LCP2: variants seen among roughly 807,000 people sequenced by gnomAD.
LCP2 encodes the protein 76 kDa tyrosine phosphoprotein.
In LCP2, 29 loss-of-function variants were observed where a neutral mutation model predicts 74.5. That is an observed-to-expected ratio of 0.39 (90% CI 0.29 to 0.53). The LOEUF (loss-of-function observed/expected upper bound fraction) is 0.53. Among genes scored for constraint, LCP2 ranks in the 20% least tolerant of loss-of-function variants. The probability of loss-of-function intolerance (pLI) is 0.72; values close to 1 mark genes in which losing one functional copy is unlikely to be tolerated. For missense variants in LCP2, 604 were observed against 634.6 expected (o/e 0.95, Z 0.52); for synonymous variants, 228 against 229.5 (o/e 0.99, Z 0.06).
At chr5:170,260,564 TCAA>T (rs1025883556) in intron 14 of LCP2, among the ~76,000 whole-genome samples, 4 of 152,252 alleles carry the variant, frequency 2.6e-5, no homozygotes, top group African/African-American at 9.6e-5. Context: ...CGAGAAATAC[TCAA>T]CTATCCTGGT....
intron 3 of LCP2, among the ~76,000 whole-genome samples, chr5:170,281,522 C>T (rs377213953): frequency 1.2e-4 from 18 of 152,176 alleles, no homozygotes; most frequent in South Asian, 6.2e-4. Flanking sequence ...CCTTGTGATC[C>T]GCCCGCCTTG....
At chr5:170,271,628 G>C (rs1423245156) in intron 6 of LCP2, among the ~76,000 whole-genome samples, 1 of 151,888 alleles carries the variant, frequency 6.6e-6, no homozygotes, top group African/African-American at 2.4e-5. Context: ...AAGTAAGCCC[G>C]AGGTGCTGGA....
Position 170,250,776 on chromosome 5 carries a change from T to A in LCP2, c.1433A>T (p.Lys478Met). ...TCCCAACAAGTAAACTTGACTTTCC[T>A]TCTGATAACGGATCTGGATGTTGTA... ...KVYNIQIRYQ[K>M]ESQVYLLGTG... is the part of the protein sequence containing the mutation. The change falls in exon 20 of 21, where the codon AAG becomes ATG. Residue 478 changes from lysine to methionine, a missense_variant. Lys to Met is a moderately conservative substitution (Grantham distance 95). Transcript: ENST00000046794. 6.2e-7 allele frequency: 1 copy of A among 1,613,298 alleles called. No individual in the cohort carries two copies. The highest frequency in any genetic ancestry group is 8.5e-7 in the Non-Finnish European group (1 of 1,179,214).
chr5:170,264,916 G>A (rs1289479186), intron 10 of LCP2, among the ~76,000 whole-genome samples: 2 of 151,570 alleles, frequency 1.3e-5, no homozygotes, highest in Non-Finnish European at 2.9e-5. Context: ...CTCTACTTTA[G>A]AGGGGCACCC....
intron 10 of LCP2, 119 bp downstream of exon 10, chr5:170,266,689 T>A (rs1761762610): frequency 1.2e-6 from 1 of 857,220 alleles, no homozygotes; most frequent in Non-Finnish European, 2.0e-6. Flanking sequence ...ATTCTACTAG[T>A]CTCCACTTCC....
chr5:170,259,707 T>C (rs1310865002), intron 14 of LCP2, among the ~76,000 whole-genome samples: 1 of 152,156 alleles, frequency 6.6e-6, no homozygotes, highest in Non-Finnish European at 1.5e-5. Context: ...TTTGCCATCA[T>C]CAATCCTATC....
intron 3 of LCP2, among the ~76,000 whole-genome samples, chr5:170,277,201 C>T (rs1429129454): frequency 6.6e-6 from 1 of 152,118 alleles, no homozygotes; most frequent in African/African-American, 2.4e-5. Context: ...CAAGCCAGTG[C>T]CCTTTCAACG....
chr5:170,255,887 G>A (rs1379870532), intron 17 of LCP2, among the ~76,000 whole-genome samples: 6 of 152,162 alleles, frequency 3.9e-5, no homozygotes, highest in African/African-American at 7.2e-5. Context: ...AATCATGGAC[G>A]TCCAGAGGTG....
At chr5:170,282,127 G>T (rs986628999) in intron 3 of LCP2, among the ~76,000 whole-genome samples, 17 of 152,158 alleles carry the variant, frequency 1.1e-4, no homozygotes, top group African/African-American at 3.9e-4. Context: ...GAGAGTGACT[G>T]CATTTTCAGG....
At chr5:170,296,192 G>T (rs983054875) in intron 1 of LCP2, among the ~76,000 whole-genome samples, 1 of 152,142 alleles carries the variant, frequency 6.6e-6, no homozygotes, top group Non-Finnish European at 1.5e-5. Flanking sequence ...ATTTGAGCAA[G>T]ATATTTAGAA....
At chr5:170,269,387 T>G (rs1322485674) in intron 7 of LCP2, among the ~76,000 whole-genome samples, 1 of 152,130 alleles carries the variant, frequency 6.6e-6, no homozygotes, top group Non-Finnish European at 1.5e-5. Flanking sequence ...GTCCCAGCCT[T>G]GGGGAGGTGC....
intron 2 of LCP2, among the ~76,000 whole-genome samples, chr5:170,292,817 G>C (rs766731199): frequency 3.3e-5 from 5 of 152,166 alleles, no homozygotes; most frequent in African/African-American, 7.2e-5. Context: ...CTTGGTCTTA[G>C]ACTTCAAGCT....
intron 7 of LCP2, among the ~76,000 whole-genome samples, chr5:170,269,452 C>T (rs1384930917): frequency 6.6e-6 from 1 of 152,226 alleles, no homozygotes; most frequent in East Asian, 1.9e-4. Context: ...CTAATTCCAC[C>T]CTGCTCCACC....
chr5:170,283,351 A>G (rs1409351928), intron 3 of LCP2, among the ~76,000 whole-genome samples: 1 of 152,200 alleles, frequency 6.6e-6, no homozygotes, highest in African/African-American at 2.4e-5. Flanking sequence ...AGGCTCTCAA[A>G]AAAGCCAGAA....
At position 170,256,423 on chromosome 5, in the gene LCP2, T is replaced by C; in HGVS notation, c.1150+103A>G. ...GTTGAATGAGGAAATCAGATGCTTT[T>C]AGGAAACAATAAAACCTTTGTCGAA... On this transcript the variant is annotated intron_variant, in intron 17 of 20. Transcript: ENST00000046794. The surrounding 1 kb of genome is among the most constrained non-coding windows in gnomAD (Gnocchi z 4.5). 2 of 923,132 alleles carry C rather than the reference T, an allele frequency of 2.2e-6. No homozygotes were observed. The highest frequency in any genetic ancestry group is 3.6e-6 in the Non-Finnish European group (2 of 562,776). The allele number at this position is 923,132 out of a possible 1,614,324, so 57.2% of individuals were successfully genotyped here. A position where few individuals can be genotyped will look rare whatever the true frequency, so the allele number is the denominator to read the frequency against.
Position 170,247,014 on chromosome 5 carries a change from G to A in LCP2, c.*1683C>T, listed in dbSNP as rs1462173106. 1 of 152,220 alleles carries A rather than the reference G, an allele frequency of 6.6e-6. No individual in the cohort carries two copies. The highest frequency in any genetic ancestry group is 1.5e-5 in the Non-Finnish European group (1 of 68,050). 9.4% of individuals were successfully genotyped at this position (152,220 alleles called of 1,614,324 possible). The stretch of plus-strand genomic sequence containing the variant: ...TATAAACATGATTCGCTACCAAATA[G>A]TTGCTTTGAAATCTATCAGGTCCTT... On this transcript the variant is annotated 3_prime_UTR_variant, in exon 21 of 21. Coordinates refer to ENST00000046794, the MANE Select transcript of LCP2 (RefSeq NM_005565.5).
rs315731 is a variant in LCP2 at position 170,297,763 on chromosome 5, G to A, written c.-152C>T. On this transcript the variant is annotated 5_prime_UTR_variant, in exon 1 of 21. Coordinates refer to ENST00000046794, the MANE Select transcript of LCP2 (RefSeq NM_005565.5). ...CCTGTTGGAGCCGATGTCTTTTCTG[G>A]CGTAGCCAGATCCCAGAAAGCAACG... 2 of 553,322 alleles carry A rather than the reference G, an allele frequency of 3.6e-6. No homozygotes were observed. The highest frequency in any genetic ancestry group is 6.3e-5 in the East Asian group (2 of 31,902). 34.3% of individuals were successfully genotyped at this position (553,322 alleles called of 1,614,324 possible).
Position 170,266,849 on chromosome 5 carries a change from T to C in LCP2, c.731A>G (p.Asp244Gly), listed in dbSNP as rs1761766826. The C allele has an allele frequency of 1.2e-6, 2 of 1,613,782 alleles. No individual in the cohort carries two copies. Among genetic ancestry groups the C allele is most frequent in the Middle Eastern group, 1.6e-4 (1 of 6,084 alleles). Residue 244 changes from aspartate to glycine, a missense_variant, in exon 10 of 21, where the codon GAT becomes GGT. Asp to Gly is a moderately conservative substitution (Grantham distance 94). Transcript: ENST00000046794. ...TCTATCAAACGGAGCTAATGAACGA[T>C]CTAGGGGAGGTTTCGTGCTTCTGTC... is the stretch of plus-strand genomic sequence containing the variant. Reference protein sequence around the residue: ...SIDRSTKPPLDRSLAPFDREP... With the variant: ...SIDRSTKPPLGRSLAPFDREP...
In LCP2 at chr5:170,256,515, A is replaced by C. The variant is rs764614188; in HGVS notation, c.1150+11T>G. 155 of 1,609,588 alleles carry C rather than the reference A, an allele frequency of 9.6e-5. No homozygotes were observed. The highest frequency in any genetic ancestry group is 9.4e-5 in the Non-Finnish European group (111 of 1,175,932). On this transcript the variant is annotated intron_variant, in intron 17 of 20. Transcript: ENST00000046794. The surrounding 1 kb of genome is among the most constrained non-coding windows in gnomAD (Gnocchi z 4.5). Reference sequence around the variant, plus strand: ...TGGCTGAAGCACGTCACAAAAGCCCAGAGTACAAACCTTGAGAGAAGTATG... The same window carrying C: ...TGGCTGAAGCACGTCACAAAAGCCCCGAGTACAAACCTTGAGAGAAGTATG...
Sources: allele counts gnomAD v4.1 joint callset (sites outside exome capture counted in the v4.1 genomes callset), GRCh38; gene constraint gnomAD v4.1.1; non-coding constraint Gnocchi (gnomAD v3.1); transcripts MANE v1.5; gene names NCBI Gene and HGNC (gene_info 2026-07-23, HGNC 2026-07-21).